The following ARHGAP8 variants were observed in gnomAD, a reference collection of about 807,000 sequenced individuals.
ARHGAP8 encodes Rho GTPase activating protein 8.
In ARHGAP8, 62 loss-of-function variants were observed where a neutral mutation model predicts 46.1. The ratio of observed to expected loss-of-function variants is 1.34; its 90% CI spans 1.10 to 1.66. ARHGAP8 has a LOEUF of 1.66. ARHGAP8 is among the 40% of genes most tolerant of loss of function. The pLI is 0.00. For missense variants in ARHGAP8, 923 were observed against 568.4 expected (o/e 1.62, Z -6.34); for synonymous variants, 375 against 243.1 (o/e 1.54, Z -5.05).
chr22:44,829,392 G>A (rs924488969), intron 7 of ARHGAP8, among the ~76,000 whole-genome samples: 1 of 152,216 alleles, frequency 6.6e-6, no homozygotes, highest in Admixed American at 6.5e-5. Flanking sequence ...AGCCATGGCT[G>A]TAGGCCTCTC....
At chr22:44,827,682 C>CTTTCATG (rs1268231441) in intron 7 of ARHGAP8, among the ~76,000 whole-genome samples, 1 of 152,152 alleles carries the variant, frequency 6.6e-6, no homozygotes, top group Non-Finnish European at 1.5e-5. Context: ...ACGGTAGTTA[C>CTTTCATG]TGGGACCACA....
intron 6 of ARHGAP8, 151 bp from the exon 7 acceptor site, chr22:44,825,332 A>T (rs1930430732): frequency 2.9e-6 from 2 of 695,682 alleles, no homozygotes; most frequent in Non-Finnish European, 4.8e-6. Context: ...TGTGTATGTG[A>T]GTGTGTGTGT....
chr22:44,859,794 AC>A lies in ARHGAP8; in HGVS notation c.942del (p.Tyr315ThrfsTer23). 6.2e-7 allele frequency: 1 copy of A among 1,614,076 alleles called. No individual in the cohort carries two copies. Among genetic ancestry groups the A allele is most frequent in the East Asian group, 2.2e-5 (1 of 44,880 alleles). On this transcript the variant is annotated frameshift_variant, in exon 11 of 12. Coordinates refer to ENST00000356099, the MANE Select transcript of ARHGAP8 (RefSeq NM_181335.3). LOFTEE classifies it low-confidence loss of function (END_TRUNC). ...ATCTTACGGAGCCTCCCAGAGCACA[AC>A]TACGTCGTCCTCCGCTACCTCATGG... Reference protein sequence around the residue: ...RQILRSLPEHNYVVLRYLMGF... With the variant: ...RQILRSLPEHXYVVLRYLMGF...
intron 2 of ARHGAP8, among the ~76,000 whole-genome samples, chr22:44,796,696 C>G (rs1928113278): frequency 6.6e-6 from 1 of 152,180 alleles, no homozygotes; most frequent in Non-Finnish European, 1.5e-5. Flanking sequence ...CACAGACGCT[C>G]TGAGTCCAGG....
intron 5 of ARHGAP8, among the ~76,000 whole-genome samples, chr22:44,815,010 GC>G (rs1929634876): frequency 6.6e-6 from 1 of 152,160 alleles, no homozygotes; most frequent in African/African-American, 2.4e-5. Flanking sequence ...CTTTGCCTGA[GC>G]CCCCACACTG....
At position 44,783,978 on chromosome 22, in the gene ARHGAP8, C is replaced by T. The variant is rs542530209; in HGVS notation, c.-71-2479C>T. Among the ~76,000 whole-genome samples, 5 of 152,256 alleles carry T rather than the reference C, an allele frequency of 3.3e-5. No homozygotes were observed. The East Asian group carries it at 9.6e-4, about 29-fold the overall frequency. ...CAATTATACTCAACCTCTGCACCCACGGGTTCTGTATCCAAGGATGCAACC... is the reference window on the plus strand; with the variant it reads ...CAATTATACTCAACCTCTGCACCCATGGGTTCTGTATCCAAGGATGCAACC... On this transcript the variant is annotated intron_variant, in intron 1 of 11. Coordinates refer to ENST00000356099, the MANE Select transcript of ARHGAP8 (RefSeq NM_181335.3).
At chr22:44,843,824 CA>C (rs56308320) in intron 7 of ARHGAP8, among the ~76,000 whole-genome samples, 13,772 of 92,976 alleles carry the variant, frequency 0.15, 531 homozygotes, top group East Asian at 0.37. Context: ...GACCTTGTCT[CA>C]AAAAAAAAAA....
In ARHGAP8 at chr22:44,794,187, G is replaced by A. The variant is rs113800336; in HGVS notation, c.79+7581G>A. Among the ~76,000 whole-genome samples the A allele has an allele frequency of 5.7e-3, 866 of 152,326 alleles. 6 individuals carry two copies. The highest frequency in any genetic ancestry group is 0.02 in the African/African-American group (834 of 41,568). Reference sequence around the variant, plus strand: ...AAGCACCCAGCATCCTACCTGGTCCGTGGTAACAGCTCACAGTGCACTTAC... The same window carrying A: ...AAGCACCCAGCATCCTACCTGGTCCATGGTAACAGCTCACAGTGCACTTAC... On this transcript the variant is annotated intron_variant, in intron 2 of 11. Transcript: ENST00000356099.
chr22:44,862,413 A>T lies in ARHGAP8; in HGVS notation c.1120A>T (p.Ile374Phe). 1 of 1,614,102 alleles carries T rather than the reference A, an allele frequency of 6.2e-7. No homozygotes were observed. ...VPLNMFTELL[I>F]EYYEKIFSTP... Reference sequence around the variant, plus strand: ...CCTGAACATGTTCACTGAACTGCTGATCGAGTACTATGAAAAGATCTTCAG... The same window carrying T: ...CCTGAACATGTTCACTGAACTGCTGTTCGAGTACTATGAAAAGATCTTCAG... Residue 374 changes from isoleucine (I) to phenylalanine (F), a missense_variant, in exon 12 of 12, where the codon ATC becomes TTC. Coordinates refer to ENST00000356099, the MANE Select transcript of ARHGAP8 (RefSeq NM_181335.3).
At chr22:44,787,037 C>CAAAAAAAAAAAAAAAAAAAAAA (rs57241720) in intron 2 of ARHGAP8, among the ~76,000 whole-genome samples, 1 of 119,126 alleles carries the variant, frequency 8.4e-6, no homozygotes. Flanking sequence ...CTCAAAAAAA[C>CAAAAAAAAAAAAAAAAAAAAAA]AAAAAAAAAA....
intron 7 of ARHGAP8, among the ~76,000 whole-genome samples, chr22:44,843,922 A>G (rs1365838723): frequency 6.6e-6 from 1 of 152,114 alleles, no homozygotes; most frequent in African/African-American, 2.4e-5. Context: ...TTAAATATGT[A>G]TAATGTAAAA....
intron 1 of ARHGAP8, among the ~76,000 whole-genome samples, chr22:44,773,605 A>G (rs1018079933): frequency 5.3e-5 from 8 of 152,106 alleles, no homozygotes; most frequent in African/African-American, 1.9e-4. Flanking sequence ...TTCTTGAGAC[A>G]GGGTTTCATT....
Position 44,786,460 on chromosome 22 carries a change from T to C in ARHGAP8, c.-68T>C. 6.2e-7 allele frequency: 1 copy of C among 1,600,074 alleles called. No individual in the cohort carries two copies. Among genetic ancestry groups the C allele is most frequent in the South Asian group, 1.1e-5 (1 of 88,722 alleles). On this transcript the variant is annotated 5_prime_UTR_variant, in exon 2 of 12. Coordinates refer to ENST00000356099, the MANE Select transcript of ARHGAP8 (RefSeq NM_181335.3). ...CCTTTAATCTTCTTTGCCGCAGAGCTGCAGAGAGACAAGGCGGCGGCGGCT... is the reference window on the plus strand; with the variant it reads ...CCTTTAATCTTCTTTGCCGCAGAGCCGCAGAGAGACAAGGCGGCGGCGGCT...
At chr22:44,814,650 C>CT in intron 4 of ARHGAP8, 22 bp from the exon 5 acceptor site, 1 of 1,608,834 alleles carries the variant, frequency 6.2e-7, no homozygotes, top group Non-Finnish European at 8.5e-7. Context: ...AGCCTGAAGT[C>CT]ATCCCCCGTT....
At chr22:44,797,828 G>A (rs1046611127) in intron 2 of ARHGAP8, among the ~76,000 whole-genome samples, 1 of 152,090 alleles carries the variant, frequency 6.6e-6, no homozygotes, top group African/African-American at 2.4e-5. Context: ...TTTTTCAAGA[G>A]ACAGGGTCTC....
At position 44,814,771 on chromosome 22, in the gene ARHGAP8, C is replaced by T. The variant is rs1405694319; in HGVS notation, c.386+13C>T. ...AGCCCCTCATCAGGTATGCGTCACT[C>T]TGGGAGAGGACCTCGCTGGGGTTGG... On this transcript the variant is annotated intron_variant, in intron 5 of 11. Coordinates refer to ENST00000356099, the MANE Select transcript of ARHGAP8 (RefSeq NM_181335.3). The T allele has an allele frequency of 6.2e-7, 1 of 1,613,570 alleles. No individual in the cohort carries two copies. Among genetic ancestry groups the T allele is most frequent in the Non-Finnish European group, 8.5e-7 (1 of 1,179,782 alleles).
intron 7 of ARHGAP8, among the ~76,000 whole-genome samples, chr22:44,835,237 A>G (rs1931205371): frequency 6.6e-6 from 1 of 150,978 alleles, no homozygotes; most frequent in Non-Finnish European, 1.5e-5. Context: ...TTTGCTATAT[A>G]TATATATATA....
chr22:44,860,434 C>A (rs371866373), intron 11 of ARHGAP8, among the ~76,000 whole-genome samples: 1 of 151,278 alleles, frequency 6.6e-6, no homozygotes, highest in Non-Finnish European at 1.5e-5. Flanking sequence ...TGGCCTTTGT[C>A]TGTGTGTGTG....
intron 10 of ARHGAP8, among the ~76,000 whole-genome samples, chr22:44,855,081 C>G (rs1485579545): frequency 6.6e-6 from 1 of 152,192 alleles, no homozygotes; most frequent in Non-Finnish European, 1.5e-5. Context: ...TATAAATGCT[C>G]ATGTATCTCT....
Sources: allele counts gnomAD v4.1 joint callset (sites outside exome capture counted in the v4.1 genomes callset), GRCh38; gene constraint gnomAD v4.1.1; transcripts MANE v1.5; gene names NCBI Gene and HGNC (gene_info 2026-07-23, HGNC 2026-07-21).